Variants in KDM4B observed in about 807,000 individuals in gnomAD.
The protein encoded by KDM4B is lysine demethylase 4B, also known as lysine-specific demethylase 4B.
Under a neutral mutation model 125.2 loss-of-function variants are expected in KDM4B, and 32 were observed. The ratio of observed to expected loss-of-function variants is 0.26; its 90% CI spans 0.19 to 0.34. The LOEUF is 0.34. KDM4B is among the 10% of genes least tolerant of loss of function. The probability of loss-of-function intolerance (pLI) is 1.00; values close to 1 mark genes in which losing one functional copy is unlikely to be tolerated. For synonymous variants in KDM4B, 721 were observed against 677.9 expected, an observed-to-expected ratio of 1.06 and a Z score of -0.99; for missense variants, 1,190 against 1,577.7, an observed-to-expected ratio of 0.75 and a Z score of 4.16.
chr19:5,134,430 C>T (rs1276178961), intron 14 of KDM4B, among the ~76,000 whole-genome samples: 1 of 152,126 alleles, frequency 6.6e-6, no homozygotes, highest in Non-Finnish European at 1.5e-5. Context: ...GCGGGGCTCC[C>T]GCAAACCCTG....
intron 2 of KDM4B, among the ~76,000 whole-genome samples, chr19:5,029,305 C>T (rs751502590): frequency 5.9e-5 from 9 of 152,174 alleles, no homozygotes; most frequent in Non-Finnish European, 1.3e-4. Context: ...TTGCTGTTGC[C>T]GGGCAGCTCC....
At chr19:5,103,512 G>A (rs1471948101) in intron 9 of KDM4B, among the ~76,000 whole-genome samples, 1 of 152,142 alleles carries the variant, frequency 6.6e-6, no homozygotes, top group African/African-American at 2.4e-5. Flanking sequence ...GGTGACGGCC[G>A]CACTGCTTCC....
At chr19:5,064,409 A>G (rs1324370688) in intron 6 of KDM4B, among the ~76,000 whole-genome samples, 1 of 140,186 alleles carries the variant, frequency 7.1e-6, no homozygotes, top group Non-Finnish European at 1.5e-5. Flanking sequence ...CTGTGCCGAC[A>G]TCTCTGAAGG....
In KDM4B at chr19:5,090,598, CTT is replaced by C. The variant is rs1285411407; in HGVS notation, c.918+8096_918+8097del. ...CTCTCCCCCTCTCCCCCCTCCCTCT[CTT>C]TCTCTCTCTCTCTCTGTCTCCCCGC... is the stretch of plus-strand genomic sequence containing the variant. On this transcript the variant is annotated intron_variant, in intron 9 of 22. Coordinates refer to ENST00000159111, the MANE Select transcript of KDM4B (RefSeq NM_015015.3). Among the ~76,000 whole-genome samples the C allele has an allele frequency of 1.9e-3, 133 of 69,604 alleles. 3 individuals are homozygous for C. Among genetic ancestry groups the C allele is most frequent in the Non-Finnish European group, 3.0e-3 (99 of 32,950 alleles). 45.7% of individuals were successfully genotyped at this position (69,604 alleles called of 152,430 possible).
At chr19:5,030,979 C>T (rs1456329680) in intron 2 of KDM4B, among the ~76,000 whole-genome samples, 1 of 152,220 alleles carries the variant, frequency 6.6e-6, no homozygotes, top group African/African-American at 2.4e-5. Context: ...AGAGGGCTGC[C>T]CTGACAGGTG....
In KDM4B at chr19:5,144,909, G is replaced by A. The variant is rs769643786; in HGVS notation, c.3021+7G>A. Reference sequence around the variant, plus strand: ...CACCAGCCACATCTACCAGGTAAGCGGGGGATCTGGCAGCCGCGCCATGCC... The same window carrying A: ...CACCAGCCACATCTACCAGGTAAGCAGGGGATCTGGCAGCCGCGCCATGCC... On this transcript the variant is annotated splice_region_variant and intron_variant, in intron 21 of 22. Transcript: ENST00000159111. 27 of 1,612,902 alleles carry A rather than the reference G, an allele frequency of 1.7e-5. No individual in the cohort carries two copies. The Middle Eastern group carries it at 4.9e-4, about 30-fold the overall frequency.
intron 2 of KDM4B, among the ~76,000 whole-genome samples, chr19:5,022,741 T>C (rs1169055691): frequency 6.6e-6 from 1 of 152,086 alleles, no homozygotes; most frequent in Non-Finnish European, 1.5e-5. Flanking sequence ...TGTCTGATTT[T>C]CTGGAAACTG....
intron 1 of KDM4B, among the ~76,000 whole-genome samples, chr19:4,973,377 C>T (rs986902288): frequency 3.9e-5 from 6 of 152,016 alleles, no homozygotes; most frequent in Middle Eastern, 3.2e-3. Context: ...TTAGTAGACA[C>T]GGGGTTTCAC....
intron 9 of KDM4B, among the ~76,000 whole-genome samples, chr19:5,087,156 A>T (rs11880565): frequency 6.6e-6 from 1 of 152,208 alleles, no homozygotes; most frequent in African/African-American, 2.4e-5. Flanking sequence ...TTCACTCCCC[A>T]TCAGCAGAAT....
chr19:5,116,806 C>T (rs531497389), intron 10 of KDM4B, among the ~76,000 whole-genome samples: 2 of 152,116 alleles, frequency 1.3e-5, no homozygotes, highest in East Asian at 1.9e-4. Flanking sequence ...AAAGCGTAAA[C>T]GTGGAATTTG....
At chr19:5,020,315 G>GTTGGTGTGCAGGTGTTGGTGTGGA (rs2036072685) in intron 2 of KDM4B, among the ~76,000 whole-genome samples, 1 of 141,604 alleles carries the variant, frequency 7.1e-6, no homozygotes, top group Non-Finnish European at 1.6e-5. Context: ...GTTGGTGTGG[G>GTTGGTGTGCAGGTGTTGGTGTGGA]TGTTGGTGTG....
At chr19:5,131,017 G>C (rs1286612741) in intron 11 of KDM4B, 59 bp from the exon 12 acceptor site, 3 of 1,277,036 alleles carry the variant, frequency 2.3e-6, no homozygotes, top group African/African-American at 3.0e-5. Context: ...TCTGGGGAGC[G>C]TGGGACCAGC....
intron 20 of KDM4B, 32 bp downstream of exon 20, chr19:5,144,444 G>A: frequency 1.3e-6 from 2 of 1,514,646 alleles, no homozygotes. Flanking sequence ...GGGGCGGGGG[G>A]AGGCTGGGAG....
At position 5,071,006 on chromosome 19, in the gene KDM4B, G is replaced by T. The variant is rs201558560; in HGVS notation, c.627-4G>T. ...GCCTCTGACGTGCCTCCCTTCTCTC[G>T]CAGGTACGCCATCCCACCAGAGCAC... is the stretch of plus-strand genomic sequence containing the variant. On this transcript the variant is annotated splice_polypyrimidine_tract_variant and splice_region_variant and intron_variant, in intron 6 of 22. Coordinates refer to ENST00000159111, the MANE Select transcript of KDM4B (RefSeq NM_015015.3). The T allele has an allele frequency of 2.7e-5, 44 of 1,613,512 alleles. No homozygotes were observed. The highest frequency in any genetic ancestry group is 3.6e-5 in the Non-Finnish European group (43 of 1,179,934).
At chr19:5,006,183 C>T (rs2035552972) in intron 1 of KDM4B, among the ~76,000 whole-genome samples, 1 of 152,098 alleles carries the variant, frequency 6.6e-6, no homozygotes, top group Non-Finnish European at 1.5e-5. Flanking sequence ...TCATGCCTGG[C>T]TCCCCGCAGC....
chr19:5,118,096 G>A (rs2039292163), intron 10 of KDM4B, among the ~76,000 whole-genome samples: 1 of 152,136 alleles, frequency 6.6e-6, no homozygotes, highest in Admixed American at 6.5e-5. Flanking sequence ...GTGACAGCCT[G>A]GCTCAGGCAG....
At chr19:5,146,417 C>T (rs2039846902) in intron 21 of KDM4B, among the ~76,000 whole-genome samples, 1 of 152,266 alleles carries the variant, frequency 6.6e-6, no homozygotes, top group African/African-American at 2.4e-5. Context: ...TCCCCATGGC[C>T]AGCCCTGTGG....
At chr19:5,139,755 G>A (rs1047986295) in intron 18 of KDM4B, among the ~76,000 whole-genome samples, 4 of 152,208 alleles carry the variant, frequency 2.6e-5, no homozygotes, top group South Asian at 2.1e-4. Flanking sequence ...CGCCCATTCC[G>A]TGCCTGGGTT....
At chr19:5,040,138 C>T (rs1224231197) in intron 4 of KDM4B, 127 bp downstream of exon 4, 1 of 1,072,696 alleles carries the variant, frequency 9.3e-7, no homozygotes, top group East Asian at 2.6e-5. Context: ...CTCTGTGTGC[C>T]CCGTGTGGGC....
Sources: allele counts gnomAD v4.1 joint callset (sites outside exome capture counted in the v4.1 genomes callset), GRCh38; gene constraint gnomAD v4.1.1; transcripts MANE v1.5; gene names NCBI Gene and HGNC (gene_info 2026-07-23, HGNC 2026-07-21).